Variants in TBC1D19 observed in about 807,000 individuals in gnomAD.
TBC1D19 encodes the protein TBC1 domain family, member 19.
A neutral mutation model predicts 89.0 loss-of-function variants in TBC1D19; 60 were observed. The observed-to-expected ratio is 0.67, with a 90% CI of 0.55 to 0.84. The LOEUF (loss-of-function observed/expected upper bound fraction) is 0.84. TBC1D19 is among the 40% of genes least tolerant of loss of function. TBC1D19 has a pLI of 0.00. For synonymous variants in TBC1D19, 189 were observed against 199.7 expected, an observed-to-expected ratio of 0.95 and a Z score of 0.45; for missense variants, 500 against 610.8, an observed-to-expected ratio of 0.82 and a Z score of 1.91.
the TBC1D19 span, among the ~76,000 whole-genome samples, chr4:26,842,719 T>TCTTG: frequency 2.7e-5 from 4 of 150,624 alleles, no homozygotes; most frequent in African/African-American, 9.8e-5. Context: ...CCCCGGCTGG[T>TCTTG]CTTGAACTCC....
intron 15 of TBC1D19, among the ~76,000 whole-genome samples, chr4:26,727,883 C>G (rs1034869430): frequency 6.6e-6 from 1 of 152,152 alleles, no homozygotes; most frequent in Non-Finnish European, 1.5e-5. Flanking sequence ...GTGGAAGACA[C>G]TGTGCTGGAT....
intron 11 of TBC1D19, among the ~76,000 whole-genome samples, chr4:26,677,333 T>C (rs1173551036): frequency 6.6e-6 from 1 of 151,936 alleles, no homozygotes; most frequent in Admixed American, 6.6e-5. Context: ...CTTTTTTTTT[T>C]TTTGAGACGA....
At chr4:26,679,491 G>A (rs1713142229) in intron 11 of TBC1D19, among the ~76,000 whole-genome samples, 1 of 152,192 alleles carries the variant, frequency 6.6e-6, no homozygotes, top group South Asian at 2.1e-4. Context: ...AGGCAGAAGT[G>A]TGCTGCAGGG....
At chr4:26,723,078 A>G (rs188443279) in intron 15 of TBC1D19, among the ~76,000 whole-genome samples, 9 of 152,350 alleles carry the variant, frequency 5.9e-5, no homozygotes, top group Admixed American at 2.0e-4. Context: ...ATTTTCATCC[A>G]GAATGAAAAC....
chr4:26,622,230 A>T (rs905441564), intron 4 of TBC1D19, among the ~76,000 whole-genome samples: 8 of 125,838 alleles, frequency 6.4e-5, no homozygotes, highest in Non-Finnish European at 1.1e-4. Context: ...TGTACCCTAA[A>T]ACTTAAAGTA....
At chr4:26,856,783 CAAT>C in the TBC1D19 span, among the ~76,000 whole-genome samples, 1 of 149,634 alleles carries the variant, frequency 6.7e-6, no homozygotes, top group Non-Finnish European at 1.5e-5. Context: ...ATCATGTGAT[CAAT>C]AATATTCATG....
intron 15 of TBC1D19, among the ~76,000 whole-genome samples, chr4:26,730,432 C>T (rs1218843820): frequency 6.6e-6 from 1 of 152,032 alleles, no homozygotes; most frequent in African/African-American, 2.4e-5. Flanking sequence ...TAATCCTCAC[C>T]ACCTCATTGG....
chr4:26,705,234 A>C (rs1005159027), intron 13 of TBC1D19, among the ~76,000 whole-genome samples: 2 of 151,850 alleles, frequency 1.3e-5, no homozygotes, highest in Non-Finnish European at 2.9e-5. Flanking sequence ...TTGTGAGTTG[A>C]CTTTTTACTC....
chr4:26,794,795 A>T, the TBC1D19 span, among the ~76,000 whole-genome samples: 1 of 152,244 alleles, frequency 6.6e-6, no homozygotes, highest in Non-Finnish European at 1.5e-5. Context: ...AAAACAGCAG[A>T]TTAATTAAAT....
chr4:26,702,255 A>G lies in TBC1D19; in HGVS notation c.954+13848A>G, dbSNP rs1036409160. ...AAGAAAACTTATAAGTAACTGAACT[A>G]ATAAGTGGATGCATATTTTGAGAAA... is the stretch of plus-strand genomic sequence containing the variant. On this transcript the variant is annotated intron_variant, in intron 13 of 20. Coordinates refer to ENST00000264866, the MANE Select transcript of TBC1D19 (RefSeq NM_018317.4). 57 of 152,214 alleles carry G rather than the reference A, an allele frequency of 3.7e-4. 1 individual carries two copies. Among genetic ancestry groups the G allele is most frequent in the African/African-American group, 1.3e-3 (54 of 41,460 alleles). 9.4% of individuals were successfully genotyped at this position (152,214 alleles called of 1,614,324 possible). A position where few individuals can be genotyped will look rare whatever the true frequency, so the allele number is the denominator to read the frequency against.
chr4:26,813,409 A>T, the TBC1D19 span, among the ~76,000 whole-genome samples: 2 of 152,260 alleles, frequency 1.3e-5, no homozygotes, highest in Non-Finnish European at 2.9e-5. Context: ...CCCAAAATTC[A>T]TGTAATAGCA....
chr4:26,808,235 G>A, the TBC1D19 span, among the ~76,000 whole-genome samples: 18 of 152,156 alleles, frequency 1.2e-4, no homozygotes, highest in Admixed American at 9.2e-4. Context: ...TATGGAATGT[G>A]GAGTCAGATG....
chr4:26,758,228 G>A (rs1017799965), downstream of TBC1D19, among the ~76,000 whole-genome samples: 3 of 152,086 alleles, frequency 2.0e-5, no homozygotes, highest in African/African-American at 7.2e-5. Flanking sequence ...TTCTGATTTT[G>A]TCACTTTATT....
chr4:26,635,869 C>T (rs764603797), intron 4 of TBC1D19, among the ~76,000 whole-genome samples: 1 of 151,932 alleles, frequency 6.6e-6, no homozygotes, highest in Non-Finnish European at 1.5e-5. Flanking sequence ...TTTATTTAGA[C>T]AAGAATAAGA....
chr4:26,797,964 C>T, the TBC1D19 span, among the ~76,000 whole-genome samples: 3 of 152,156 alleles, frequency 2.0e-5, no homozygotes, highest in African/African-American at 7.2e-5. Flanking sequence ...TTAGGGAAAA[C>T]TCTTCTGGAC....
chr4:26,661,602 A>G (rs534637407), intron 8 of TBC1D19, among the ~76,000 whole-genome samples: 12 of 152,260 alleles, frequency 7.9e-5, no homozygotes, highest in African/African-American at 2.9e-4. Flanking sequence ...CCAAACAACA[A>G]CAACAATAAC....
downstream of TBC1D19, among the ~76,000 whole-genome samples, chr4:26,758,479 G>T (rs997796036): frequency 6.6e-6 from 1 of 152,172 alleles, no homozygotes; most frequent in Non-Finnish European, 1.5e-5. Flanking sequence ...AGGACCTCTG[G>T]GTCCTAGCCA....
chr4:26,592,889 A>G (rs1213244017), intron 1 of TBC1D19, among the ~76,000 whole-genome samples: 1 of 152,238 alleles, frequency 6.6e-6, no homozygotes, highest in African/African-American at 2.4e-5. Context: ...GGAAGAATCA[A>G]TATCATGAAA....
chr4:26,599,491 A>AC lies in TBC1D19; in HGVS notation c.100-13672dup, dbSNP rs566432086. 4.1e-4 allele frequency among the ~76,000 whole-genome samples: 63 copies of AC among 152,094 alleles called. No individual in the cohort carries two copies. In the Middle Eastern group the frequency reaches 0.014, roughly 33 times the overall value. On this transcript the variant is annotated intron_variant, in intron 1 of 20. Transcript: ENST00000264866. ...ATATAAGTGATTTTTAGATTTCCCC[A>AC]CCCCCCACCATTAGCTCTTCTCTTA... is the stretch of plus-strand genomic sequence containing the variant.
Sources: allele counts gnomAD v4.1 joint callset (sites outside exome capture counted in the v4.1 genomes callset), GRCh38; gene constraint gnomAD v4.1.1; transcripts MANE v1.5; gene names NCBI Gene and HGNC (gene_info 2026-07-23, HGNC 2026-07-21).